RIT2: variants seen among roughly 807,000 people sequenced by gnomAD.
RIT2 encodes GTP-binding protein Rit2.
In RIT2, 24 loss-of-function variants were observed where a neutral mutation model predicts 23.7. The observed-to-expected ratio is 1.01, with a 90% CI of 0.73 to 1.43. RIT2 has a LOEUF of 1.43. RIT2 is among the 40% of genes most tolerant of loss of function. The probability of loss-of-function intolerance (pLI) is 0.00; values close to 1 mark genes in which losing one functional copy is unlikely to be tolerated. For missense variants in RIT2, 236 were observed against 266.9 expected (o/e 0.88, Z 0.81); for synonymous variants, 107 against 91.1 (o/e 1.17, Z -0.99).
rs144115782 is a variant in RIT2 at position 43,097,512 on chromosome 18, G to T, written c.103+17905C>A. Among the ~76,000 whole-genome samples, 13 of 151,960 alleles carry T rather than the reference G, an allele frequency of 8.6e-5. No homozygotes were observed. In the East Asian group the frequency reaches 2.5e-3, roughly 29 times the overall value. ...AAGTGAAATTAAAATAAGCAGAGAA[G>T]ATTCCAGAAAGCTATTGGAAAAGAG... is the stretch of plus-strand genomic sequence containing the variant. On this transcript the variant is annotated intron_variant, in intron 1 of 4. Coordinates refer to ENST00000326695, the MANE Select transcript of RIT2 (RefSeq NM_002930.4).
chr18:42,812,438 A>C (rs1022744301), intron 4 of RIT2, among the ~76,000 whole-genome samples: 12 of 152,154 alleles, frequency 7.9e-5, no homozygotes, highest in African/African-American at 2.4e-4. Flanking sequence ...GAACATTTTC[A>C]GCATAAACTG....
At chr18:42,964,973 AG>A (rs140702262) in intron 3 of RIT2, among the ~76,000 whole-genome samples, 21,691 of 152,234 alleles carry the variant, frequency 0.14, 1,762 homozygotes, top group South Asian at 0.2. Context: ...GAGCAAAAAC[AG>A]TTGATTCTCA....
rs1910424960 is a variant in RIT2 at position 42,974,114 on chromosome 18, T to C, written c.194A>G (p.Asn65Ser). Residue 65 changes from asparagine (N) to serine (S), a missense_variant, in exon 3 of 5, where the codon AAT becomes AGT. Asn to Ser is a conservative substitution (Grantham distance 46). Transcript: ENST00000326695. ...CAAGATGTCCAAGTAAGCTGGCTCA[T>C]TGTCAATCCTGACCTGGGTCTTATA... ...DAYKTQVRID[N>S]EPAYLDILDT... 1 of 1,611,638 alleles carries C rather than the reference T, an allele frequency of 6.2e-7. No individual in the cohort carries two copies. The highest frequency in any genetic ancestry group is 2.2e-5 in the East Asian group (1 of 44,724).
chr18:42,942,890 T>G (rs778026021), intron 3 of RIT2, among the ~76,000 whole-genome samples: 4 of 152,140 alleles, frequency 2.6e-5, no homozygotes, highest in Non-Finnish European at 4.4e-5. Flanking sequence ...AAGCCTGCCA[T>G]GTTGGTGATT....
chr18:42,827,632 A>G (rs899697426), intron 4 of RIT2, among the ~76,000 whole-genome samples: 1 of 152,190 alleles, frequency 6.6e-6, no homozygotes, highest in Non-Finnish European at 1.5e-5. Context: ...TAAAATAAAC[A>G]TAGGATATGT....
intron 4 of RIT2, among the ~76,000 whole-genome samples, chr18:42,796,625 T>C (rs1905370800): frequency 6.6e-6 from 1 of 152,210 alleles, no homozygotes; most frequent in Non-Finnish European, 1.5e-5. Flanking sequence ...TTCCATCCAC[T>C]ACCCTCCACT....
At chr18:42,836,878 C>A (rs1403743541) in intron 4 of RIT2, among the ~76,000 whole-genome samples, 1 of 152,050 alleles carries the variant, frequency 6.6e-6, no homozygotes, top group Non-Finnish European at 1.5e-5. Context: ...TACAAAGACT[C>A]TCGAGAATAC....
intron 4 of RIT2, among the ~76,000 whole-genome samples, chr18:42,744,989 T>G: frequency 6.6e-6 from 1 of 152,142 alleles, no homozygotes; most frequent in East Asian, 1.9e-4. Flanking sequence ...CTTTAGTTTC[T>G]ACTACAGCTC....
At chr18:43,093,391 T>C (rs1279850376) in intron 1 of RIT2, among the ~76,000 whole-genome samples, 1 of 152,098 alleles carries the variant, frequency 6.6e-6, no homozygotes, top group Non-Finnish European at 1.5e-5. Flanking sequence ...CCTGATTTTC[T>C]GTAGCAAAAA....
chr18:43,022,791 G>T (rs1373313000), intron 2 of RIT2, among the ~76,000 whole-genome samples: 1 of 151,990 alleles, frequency 6.6e-6, no homozygotes, highest in Non-Finnish European at 1.5e-5. Context: ...ATTAACATGA[G>T]TCAGAATATT....
intron 2 of RIT2, among the ~76,000 whole-genome samples, chr18:42,978,983 ATTATG>A (rs1187819841): frequency 6.6e-6 from 1 of 152,130 alleles, no homozygotes; most frequent in Admixed American, 6.6e-5. Flanking sequence ...CTCAAGGAAT[ATTATG>A]TTATGAGTTT....
intron 4 of RIT2, among the ~76,000 whole-genome samples, chr18:42,888,499 C>A (rs1388966551): frequency 6.6e-6 from 1 of 151,836 alleles, no homozygotes; most frequent in Non-Finnish European, 1.5e-5. Flanking sequence ...TCCCTTTTCG[C>A]CGCAGCCTCT....
intron 1 of RIT2, among the ~76,000 whole-genome samples, chr18:43,095,601 G>T (rs914361440): frequency 2.0e-5 from 3 of 151,940 alleles, no homozygotes; most frequent in African/African-American, 7.2e-5. Context: ...ACTTGATCTT[G>T]TGTAAAAAAG....
chr18:42,954,595 G>A (rs1054183290), intron 3 of RIT2, among the ~76,000 whole-genome samples: 1 of 151,758 alleles, frequency 6.6e-6, no homozygotes, highest in African/African-American at 2.4e-5. Flanking sequence ...AGACTTGATC[G>A]GATTTTAGTT....
intron 4 of RIT2, among the ~76,000 whole-genome samples, chr18:42,861,034 C>T (rs945623077): frequency 1.3e-5 from 2 of 152,152 alleles, no homozygotes; most frequent in Non-Finnish European, 2.9e-5. Flanking sequence ...CAAGATGCAG[C>T]TTCTTTACTT....
chr18:42,882,344 C>T (rs1206956877), intron 4 of RIT2, among the ~76,000 whole-genome samples: 4 of 152,168 alleles, frequency 2.6e-5, no homozygotes, highest in Non-Finnish European at 5.9e-5. Flanking sequence ...TGGAGGCTGA[C>T]AATTTTCCAT....
intron 1 of RIT2, among the ~76,000 whole-genome samples, chr18:43,062,429 T>G (rs911009511): frequency 6.6e-6 from 1 of 152,178 alleles, no homozygotes; most frequent in Non-Finnish European, 1.5e-5. Flanking sequence ...CTGTAATCCA[T>G]TATTCTTAGT....
At chr18:42,930,635 A>G (rs542250493) in intron 3 of RIT2, among the ~76,000 whole-genome samples, 5 of 152,240 alleles carry the variant, frequency 3.3e-5, no homozygotes, top group African/African-American at 1.2e-4. Flanking sequence ...GCTGATTGAG[A>G]AAATAAATAA....
intron 4 of RIT2, among the ~76,000 whole-genome samples, chr18:42,894,654 A>C (rs894363919): frequency 1.3e-5 from 2 of 152,184 alleles, no homozygotes; most frequent in Admixed American, 1.3e-4. Flanking sequence ...CAACTCTAAA[A>C]AGGAATAATG....
Sources: gnomAD v4.1 joint callset for allele counts (sites outside exome capture counted in the v4.1 genomes callset) on GRCh38, gnomAD v4.1.1 for gene constraint, MANE v1.5 for transcripts, NCBI Gene and HGNC (gene_info 2026-07-23, HGNC 2026-07-21) for gene names.